The following HTR7 variants were observed in gnomAD, a reference collection of about 807,000 sequenced individuals.
The protein encoded by HTR7 is 5-hydroxytryptamine receptor 7.
A neutral mutation model predicts 34.0 loss-of-function variants in HTR7; 16 were observed. The observed-to-expected ratio is 0.47, with a 90% confidence interval of 0.32 to 0.71. The LOEUF is 0.71. Among genes scored for constraint, HTR7 ranks in the 30% least tolerant of loss-of-function variants. The pLI is 0.04. For missense variants in HTR7, 504 were observed against 625.5 expected, an observed-to-expected ratio of 0.81 and a Z score of 2.07; for synonymous variants, 265 against 260.2, an observed-to-expected ratio of 1.02 and a Z score of -0.18.
intron 1 of HTR7, among the ~76,000 whole-genome samples, chr10:90,830,887 T>C (rs1264797935): frequency 1.3e-5 from 2 of 152,108 alleles, no homozygotes; most frequent in African/African-American, 4.8e-5. Flanking sequence ...CCAACTAATG[T>C]TGTGCCACTC....
intron 1 of HTR7, among the ~76,000 whole-genome samples, chr10:90,758,910 G>A (rs564172087): frequency 7.2e-5 from 11 of 152,270 alleles, no homozygotes; most frequent in East Asian, 3.9e-4. Context: ...AATAGCGGCC[G>A]GGCGTGGTGG....
chr10:90,796,748 G>A (rs947224621), intron 1 of HTR7, among the ~76,000 whole-genome samples: 3 of 152,140 alleles, frequency 2.0e-5, no homozygotes, highest in African/African-American at 7.2e-5. Context: ...TAGGCTCACG[G>A]CTGTAATCCC....
intron 1 of HTR7, among the ~76,000 whole-genome samples, chr10:90,759,378 G>C (rs994852245): frequency 6.6e-6 from 1 of 151,964 alleles, no homozygotes; most frequent in Non-Finnish European, 1.5e-5. Context: ...GGGAAAGGCC[G>C]GGCGCGGTGG....
At chr10:90,800,400 G>A (rs1845606118) in intron 1 of HTR7, among the ~76,000 whole-genome samples, 1 of 152,138 alleles carries the variant, frequency 6.6e-6, no homozygotes, top group Non-Finnish European at 1.5e-5. Flanking sequence ...AACCTTGGAA[G>A]CTGAGTCACA....
intron 1 of HTR7, among the ~76,000 whole-genome samples, chr10:90,775,955 TTAA>T (rs1391722729): frequency 1.3e-5 from 2 of 152,244 alleles, no homozygotes; most frequent in Admixed American, 6.5e-5. Flanking sequence ...GAAATTAATT[TTAA>T]TAATATATTT....
chr10:90,812,754 C>A (rs1845834459), intron 1 of HTR7, among the ~76,000 whole-genome samples: 1 of 152,118 alleles, frequency 6.6e-6, no homozygotes, highest in Non-Finnish European at 1.5e-5. Context: ...TTTCGCCACC[C>A]CAACACTTCA....
At chr10:90,845,344 C>G in intron 1 of HTR7, among the ~76,000 whole-genome samples, 1 of 152,170 alleles carries the variant, frequency 6.6e-6, no homozygotes. Context: ...GCTATCCTAA[C>G]AATATCCTCC....
At chr10:90,827,687 T>G (rs1018201131) in intron 1 of HTR7, among the ~76,000 whole-genome samples, 1 of 152,124 alleles carries the variant, frequency 6.6e-6, no homozygotes, top group African/African-American at 2.4e-5. Context: ...ATATAACAAT[T>G]GTAAATACAT....
intron 1 of HTR7, among the ~76,000 whole-genome samples, chr10:90,854,984 T>C (rs889789411): frequency 2.6e-5 from 4 of 152,202 alleles, no homozygotes; most frequent in African/African-American, 9.7e-5. Flanking sequence ...GAAAACATGC[T>C]TTTCAGAAAT....
Position 90,819,778 on chromosome 10 carries a change from C to T in HTR7, c.539+37355G>A, listed in dbSNP as rs193082541. Among the ~76,000 whole-genome samples the T allele has an allele frequency of 1.9e-3, 283 of 152,036 alleles. 2 individuals carry two copies. The highest frequency in any genetic ancestry group is 6.3e-3 in the African/African-American group (262 of 41,452). On this transcript the variant is annotated intron_variant, in intron 1 of 3. Transcript: ENST00000336152. ...CAGATTGGCATCAGCTAGCTTCCCA[C>T]TAGCTTTGAGGAAGGGTGGAGTTTA...
intron 1 of HTR7, among the ~76,000 whole-genome samples, chr10:90,798,756 A>T (rs757656988): frequency 4.6e-5 from 7 of 152,158 alleles, no homozygotes; most frequent in Non-Finnish European, 7.4e-5. Context: ...ATCTGACCTA[A>T]CCAACTCCAT....
In HTR7 at chr10:90,852,066, A is replaced by C. The variant is rs553257055; in HGVS notation, c.539+5067T>G. Among the ~76,000 whole-genome samples, 10 of 152,234 alleles carry C rather than the reference A, an allele frequency of 6.6e-5. No individual in the cohort carries two copies. The East Asian group carries it at 1.2e-3, about 18-fold the overall frequency. ...GAACAGACTAATACATTCAGTAAAAAAATAATGCTGGGCCGGGCATGATGG... is the reference window on the plus strand; with the variant it reads ...GAACAGACTAATACATTCAGTAAAACAATAATGCTGGGCCGGGCATGATGG... On this transcript the variant is annotated intron_variant, in intron 1 of 3. Coordinates refer to ENST00000336152, the MANE Select transcript of HTR7 (RefSeq NM_019859.4).
rs1845175827 is a variant in HTR7, at chr10:90,774,663, G to A, written c.540-25069C>T. 1.3e-5 allele frequency among the ~76,000 whole-genome samples: 2 copies of A among 152,164 alleles called. 1 individual carries two copies. The highest frequency in any genetic ancestry group is 4.1e-4 in the South Asian group (2 of 4,834). On this transcript the variant is annotated intron_variant, in intron 1 of 3. Transcript: ENST00000336152. Reference sequence around the variant, plus strand: ...ATTTGGCAGCCCAATGACACGGTGAGGGACTTGGTTTCCTTCCATCTTTTT... The same window carrying A: ...ATTTGGCAGCCCAATGACACGGTGAAGGACTTGGTTTCCTTCCATCTTTTT...
At chr10:90,835,330 G>A (rs1457085690) in intron 1 of HTR7, among the ~76,000 whole-genome samples, 1 of 152,082 alleles carries the variant, frequency 6.6e-6, no homozygotes, top group Non-Finnish European at 1.5e-5. Context: ...GAACATCCTG[G>A]GAATGAAATT....
At chr10:90,743,448 T>G (rs1433300506) in intron 3 of HTR7, 145 bp downstream of exon 3, 9 of 680,284 alleles carry the variant, frequency 1.3e-5, no homozygotes, top group Non-Finnish European at 2.3e-5. Context: ...ACAGACACAT[T>G]CCTAGCCCAG....
chr10:90,792,125 T>C (rs919980074), intron 1 of HTR7, among the ~76,000 whole-genome samples: 2 of 152,162 alleles, frequency 1.3e-5, no homozygotes, highest in Non-Finnish European at 2.9e-5. Context: ...CACAAGTTCA[T>C]TATACAATCT....
At chr10:90,745,635 T>C (rs1844621136) in intron 2 of HTR7, among the ~76,000 whole-genome samples, 1 of 152,258 alleles carries the variant, frequency 6.6e-6, no homozygotes. Flanking sequence ...GATGGATATT[T>C]TTAGGCTAAT....
At chr10:90,836,557 G>T (rs543109780) in intron 1 of HTR7, among the ~76,000 whole-genome samples, 1 of 129,898 alleles carries the variant, frequency 7.7e-6, no homozygotes, top group Non-Finnish European at 1.8e-5. Context: ...TGTTGCTCAC[G>T]CTGGAGTACA....
chr10:90,757,672 T>C (rs1022003513), intron 1 of HTR7, among the ~76,000 whole-genome samples: 1 of 152,132 alleles, frequency 6.6e-6, no homozygotes, highest in African/African-American at 2.4e-5. Context: ...TCAACCACAG[T>C]ATGTGAGAAC....
Sources: gnomAD v4.1 joint callset for allele counts (sites outside exome capture counted in the v4.1 genomes callset) on GRCh38, gnomAD v4.1.1 for gene constraint, MANE v1.5 for transcripts, NCBI Gene and HGNC (gene_info 2026-07-23, HGNC 2026-07-21) for gene names.